The following HNRNPM variants were observed in gnomAD, a reference collection of about 807,000 sequenced individuals.
HNRNPM encodes CEA receptor.
In HNRNPM, 11 loss-of-function variants were observed where a neutral mutation model predicts 73.1. The observed-to-expected ratio is 0.15, with a 90% confidence interval of 0.09 to 0.25. The LOEUF is 0.25. HNRNPM is among the 10% of genes least tolerant of loss of function. The probability of loss-of-function intolerance (pLI) is 1.00; values close to 1 mark genes in which losing one functional copy is unlikely to be tolerated. For synonymous variants in HNRNPM, 407 were observed against 355.2 expected (o/e 1.15, Z -1.64); for missense variants, 789 against 1,067.9 (o/e 0.74, Z 3.64).
At chr19:8,463,550 G>A in intron 4 of HNRNPM, 43 bp from the exon 5 acceptor site, 1 of 1,612,906 alleles carries the variant, frequency 6.2e-7, no homozygotes, top group Middle Eastern at 1.7e-4. Context: ...CTTCTAACTT[G>A]TAGGACTGGT....
intron 12 of HNRNPM, among the ~76,000 whole-genome samples, chr19:8,478,491 A>T (rs1016786616): frequency 1.3e-5 from 2 of 152,128 alleles, no homozygotes; most frequent in Non-Finnish European, 2.9e-5. Context: ...CAGAGGAATG[A>T]GTAAGAAGGC....
At chr19:8,485,567 CTT>C in intron 13 of HNRNPM, 34 bp from the exon 14 acceptor site, 1 of 1,576,888 alleles carries the variant, frequency 6.3e-7, no homozygotes, top group Admixed American at 1.7e-5. Context: ...CACTCAAGTT[CTT>C]GACACCCACC....
chr19:8,450,138 A>T (rs1200340186), intron 1 of HNRNPM, among the ~76,000 whole-genome samples: 1 of 152,202 alleles, frequency 6.6e-6, no homozygotes, highest in Non-Finnish European at 1.5e-5. Context: ...CCTTACATGC[A>T]TTAGAGCAGC....
rs148827868 is a variant in HNRNPM, at chr19:8,486,066, C to T, written c.1638C>T (p.Pro546=). The change falls in exon 14 of 16, where the codon CCC becomes CCT. Residue 546 remains proline, a synonymous_variant. Coordinates refer to ENST00000325495, the MANE Select transcript of HNRNPM (RefSeq NM_005968.5). ...GMGAGLERMG[P]VMDRMATGLE... is the part of the protein sequence containing the mutation. ...GAGCTGGCCTGGAGCGCATGGGCCC[C>T]GTGATGGATCGCATGGCCACCGGCC... is the stretch of plus-strand genomic sequence containing the variant. 242 of 1,606,114 alleles carry T rather than the reference C, an allele frequency of 1.5e-4. 1 individual carries two copies. The African/African-American group carries it at 2.0e-3, about 13-fold the overall frequency.
chr19:8,465,876 C>T (rs1277780610), intron 6 of HNRNPM, among the ~76,000 whole-genome samples: 2 of 152,122 alleles, frequency 1.3e-5, no homozygotes, highest in Non-Finnish European at 2.9e-5. Context: ...ATAATACCTC[C>T]ACCATCTGCA....
At chr19:8,475,579 G>A (rs1568289214) in intron 12 of HNRNPM, among the ~76,000 whole-genome samples, 1 of 152,238 alleles carries the variant, frequency 6.6e-6, no homozygotes, top group Non-Finnish European at 1.5e-5. Context: ...AGTGGGGCAT[G>A]ATGTGTGTTG....
rs574082986 is a variant in HNRNPM, at chr19:8,486,030, C to T, written c.1602C>T (p.Pro534=). 133 of 1,606,612 alleles carry T rather than the reference C, an allele frequency of 8.3e-5. No homozygotes were observed. The highest frequency in any genetic ancestry group is 8.2e-4 in the Middle Eastern group (5 of 6,082). ...RMGLSMERMV[P]AGMGAGLERM... ...GCCTGAGCATGGAGCGCATGGTGCC[C>T]GCAGGTATGGGAGCTGGCCTGGAGC... Residue 534 remains proline, a synonymous_variant, in exon 14 of 16, where the codon CCC becomes CCT. Coordinates refer to ENST00000325495, the MANE Select transcript of HNRNPM (RefSeq NM_005968.5).
intron 12 of HNRNPM, 184 bp from the exon 13 acceptor site, chr19:8,482,974 C>A (rs1308563420): frequency 1.2e-5 from 7 of 563,182 alleles, no homozygotes; most frequent in Admixed American, 3.4e-5. Flanking sequence ...GCATCGTGAC[C>A]CAGCATCAAG....
At chr19:8,446,906 A>G (rs1489406549) in intron 1 of HNRNPM, among the ~76,000 whole-genome samples, 1 of 152,134 alleles carries the variant, frequency 6.6e-6, no homozygotes, top group African/African-American at 2.4e-5. Context: ...GTTAATTTTG[A>G]CTTTTTCAGC....
At chr19:8,456,393 G>C (rs1969029175) in intron 2 of HNRNPM, among the ~76,000 whole-genome samples, 1 of 152,174 alleles carries the variant, frequency 6.6e-6, no homozygotes, top group Non-Finnish European at 1.5e-5. Context: ...GTGGCACTTA[G>C]GACTAAAGAG....
chr19:8,473,864 G>C (rs367553750), intron 11 of HNRNPM, among the ~76,000 whole-genome samples, 156 bp downstream of exon 11: 6 of 151,922 alleles, frequency 3.9e-5, no homozygotes, highest in African/African-American at 1.5e-4. Context: ...CCTTCCAGCG[G>C]GTGTCTTGGC....
At chr19:8,485,247 G>C (rs1971194773) in intron 13 of HNRNPM, among the ~76,000 whole-genome samples, 1 of 151,996 alleles carries the variant, frequency 6.6e-6, no homozygotes, top group Admixed American at 6.5e-5. Flanking sequence ...CCTCCCCCTG[G>C]AGCATTTCTC....
rs754970908 is a variant in HNRNPM at position 8,487,171 on chromosome 19, G to C, written c.2029+96G>C. ...AACCTCCCTCCCAGCCCCCTCCGTC[G>C]GCTCAGGACCCATGGCCTTGCCATG... On this transcript the variant is annotated intron_variant, in intron 15 of 15. Coordinates refer to ENST00000325495, the MANE Select transcript of HNRNPM (RefSeq NM_005968.5). 3.9e-6 allele frequency: 4 copies of C among 1,037,762 alleles called. No individual in the cohort carries two copies. In the Admixed American group the frequency reaches 6.8e-5, roughly 18 times the overall value. 64.3% of individuals were successfully genotyped at this position (1,037,762 alleles called of 1,614,324 possible). A position where few individuals can be genotyped will look rare whatever the true frequency, so the allele number is the denominator to read the frequency against.
At chr19:8,446,913 C>G (rs1968229818) in intron 1 of HNRNPM, among the ~76,000 whole-genome samples, 1 of 152,126 alleles carries the variant, frequency 6.6e-6, no homozygotes, top group South Asian at 2.1e-4. Flanking sequence ...TTGACTTTTT[C>G]AGCGTCTATC....
At chr19:8,453,564 T>A (rs568410128) in intron 1 of HNRNPM, among the ~76,000 whole-genome samples, 13 of 152,184 alleles carry the variant, frequency 8.5e-5, no homozygotes, top group South Asian at 2.1e-4. Flanking sequence ...TATAAATCAT[T>A]AATACTGTAG....
intron 12 of HNRNPM, among the ~76,000 whole-genome samples, chr19:8,479,556 A>G (rs150514706): frequency 2.0e-5 from 3 of 151,960 alleles, no homozygotes; most frequent in African/African-American, 4.8e-5. Context: ...GGCTGAAGCA[A>G]TCCTCCTACC....
chr19:8,487,112 G>T, intron 15 of HNRNPM, 37 bp downstream of exon 15: 7 of 1,569,450 alleles, frequency 4.5e-6, no homozygotes, highest in Non-Finnish European at 5.3e-6. Context: ...TGCTTCCCTC[G>T]TGCTTGTTGG....
intron 2 of HNRNPM, among the ~76,000 whole-genome samples, chr19:8,461,473 T>G (rs888220478): frequency 2.6e-5 from 4 of 152,200 alleles, no homozygotes; most frequent in Non-Finnish European, 5.9e-5. Flanking sequence ...TGGTTAGAGA[T>G]AGTTTTCTCC....
At chr19:8,475,142 G>A (rs1158248535) in intron 12 of HNRNPM, among the ~76,000 whole-genome samples, 1 of 152,230 alleles carries the variant, frequency 6.6e-6, no homozygotes, top group Non-Finnish European at 1.5e-5. Context: ...GAGGCACAGA[G>A]AGTGACATGC....
Sources: allele counts gnomAD v4.1 joint callset (sites outside exome capture counted in the v4.1 genomes callset), GRCh38; gene constraint gnomAD v4.1.1; transcripts MANE v1.5; gene names NCBI Gene and HGNC (gene_info 2026-07-23, HGNC 2026-07-21).